RAB33A: variants seen among roughly 807,000 people sequenced by gnomAD.
The protein encoded by RAB33A is RAB33A, member RAS oncogene family, also known as ras-related protein Rab-33A.
RAB33A carries 6 observed loss-of-function variants against 12.0 expected under a neutral mutation model. The observed-to-expected ratio is 0.50, with a 90% CI of 0.27 to 0.99. RAB33A has a LOEUF of 0.99. Among genes scored for constraint, RAB33A ranks in the 50% least tolerant of loss-of-function variants. The pLI, the probability that RAB33A is intolerant of heterozygous loss-of-function variation, is 0.11. For missense variants in RAB33A, 109 were observed against 192.0 expected (o/e 0.57, Z 2.55); for synonymous variants, 70 against 82.4 (o/e 0.85, Z 0.81).
the RAB33A span, among the ~76,000 whole-genome samples, chrX:130,153,348 G>A: frequency 0.032 from 1,668 of 51,796 alleles, 17 homozygotes; most frequent in Admixed American, 0.049. Context: ...GAGAGACTCC[G>A]TTTCAAAAAA....
chrX:130,121,054 G>A, the RAB33A span, among the ~76,000 whole-genome samples: 1 of 112,086 alleles, frequency 8.9e-6, no homozygotes, highest in Non-Finnish European at 1.9e-5. Flanking sequence ...GCCCTGCCCG[G>A]CGCAGGCAGC....
the RAB33A span, among the ~76,000 whole-genome samples, chrX:130,152,524 T>C: frequency 8.9e-6 from 1 of 112,015 alleles, no homozygotes; most frequent in African/African-American, 3.2e-5. Context: ...TATGGTGGCA[T>C]TTATTCAACT....
At chrX:130,177,402 G>A (rs2031674632) in intron 1 of RAB33A, among the ~76,000 whole-genome samples, 1 of 112,343 alleles carries the variant, frequency 8.9e-6, no homozygotes, top group Non-Finnish European at 1.9e-5. Flanking sequence ...GAGGATCAAG[G>A]TCCCATTGCA....
upstream of RAB33A, among the ~76,000 whole-genome samples, chrX:130,167,148 T>A (rs1014317556): frequency 2.7e-5 from 3 of 112,233 alleles, no homozygotes; most frequent in Non-Finnish European, 5.6e-5. Flanking sequence ...GATTGATATT[T>A]CAGATGGTGA....
At chrX:130,155,907 A>G in the RAB33A span, among the ~76,000 whole-genome samples, 1 of 112,283 alleles carries the variant, frequency 8.9e-6, no homozygotes, top group Non-Finnish European at 1.9e-5. Context: ...TAAACACCAT[A>G]TTTCTCACCT....
chrX:130,137,014 GAAGTTTGCCTTAGGTCACACTCA>G, the RAB33A span: 5 of 1,208,108 alleles, frequency 4.1e-6, no homozygotes, highest in Admixed American at 4.4e-5. Context: ...CTATAGAAGC[GAAGTTTGCCTTAGGTCACACTCA>G]AAGGAAATAG....
the RAB33A span, among the ~76,000 whole-genome samples, chrX:130,144,459 C>G: frequency 8.9e-6 from 1 of 112,171 alleles, no homozygotes; most frequent in African/African-American, 3.2e-5. Flanking sequence ...ACTGCTCTAT[C>G]AGTATCGAGC....
chrX:130,138,458 C>G, the RAB33A span: 1 of 513,126 alleles, frequency 1.9e-6, no homozygotes, highest in African/African-American at 2.4e-5. Context: ...GAGCGAGACT[C>G]CATCTCAAAA....
the RAB33A span, among the ~76,000 whole-genome samples, chrX:130,115,377 C>T: frequency 8.9e-6 from 1 of 112,016 alleles, no homozygotes; most frequent in East Asian, 2.8e-4. Context: ...CTTTGGGAAG[C>T]CGAGGCAGAT....
chrX:130,166,123 C>G, the RAB33A span, among the ~76,000 whole-genome samples: 6 of 111,650 alleles, frequency 5.4e-5, no homozygotes, highest in Non-Finnish European at 1.1e-4. Flanking sequence ...CAGCGTAGCC[C>G]CGGCATCGCA....
At chrX:130,162,901 T>G in the RAB33A span, among the ~76,000 whole-genome samples, 1 of 111,960 alleles carries the variant, frequency 8.9e-6, no homozygotes, top group Non-Finnish European at 1.9e-5. Flanking sequence ...ATGAGTTACC[T>G]TCAATCATCT....
At chrX:130,164,534 A>T in the RAB33A span, among the ~76,000 whole-genome samples, 1 of 112,357 alleles carries the variant, frequency 8.9e-6, no homozygotes, top group East Asian at 2.8e-4. Flanking sequence ...GTGGACATTG[A>T]AGGATTACTG....
intron 1 of RAB33A, among the ~76,000 whole-genome samples, chrX:130,179,278 C>T (rs963935212): frequency 4.5e-5 from 5 of 111,952 alleles, no homozygotes; most frequent in Admixed American, 9.5e-5. Context: ...GGGCGGCATA[C>T]GCAATTATGA....
intron 1 of RAB33A, among the ~76,000 whole-genome samples, chrX:130,182,288 T>C (rs2031740137): frequency 9.5e-6 from 1 of 104,966 alleles, no homozygotes; most frequent in Non-Finnish European, 1.9e-5. Context: ...AACATATATA[T>C]GCATACTTGT....
At chrX:130,167,807 A>C (rs2031557820), upstream of RAB33A, among the ~76,000 whole-genome samples, 1 of 111,320 alleles carries the variant, frequency 9.0e-6, no homozygotes, top group South Asian at 3.7e-4. Context: ...CCAGATTTGA[A>C]CTGGCAAGAG....
the RAB33A span, among the ~76,000 whole-genome samples, chrX:130,153,013 G>A: frequency 9.1e-6 from 1 of 110,433 alleles, no homozygotes; most frequent in East Asian, 2.8e-4. Context: ...ATTTCTCACT[G>A]CAGATCATGG....
chrX:130,138,647 T>C, the RAB33A span: 1 of 1,210,639 alleles, frequency 8.3e-7, no homozygotes, highest in South Asian at 1.8e-5. Context: ...CCACCGATAA[T>C]CGTAATTGAT....
chrX:130,139,544 G>A, the RAB33A span, among the ~76,000 whole-genome samples: 35 of 111,372 alleles, frequency 3.1e-4, no homozygotes, highest in African/African-American at 1.0e-3. Flanking sequence ...AACAACTATG[G>A]AAGAGCAATC....
the RAB33A span, among the ~76,000 whole-genome samples, chrX:130,117,934 G>A: frequency 1.8e-5 from 2 of 112,305 alleles, no homozygotes; most frequent in African/African-American, 6.5e-5. Context: ...CGGTGCAGGC[G>A]GACCAAGATT....
Sources: gnomAD v4.1 joint callset for allele counts (sites outside exome capture counted in the v4.1 genomes callset) on GRCh38, gnomAD v4.1.1 for gene constraint, MANE v1.5 for transcripts, NCBI Gene and HGNC (gene_info 2026-07-23, HGNC 2026-07-21) for gene names.